CSRNP3: variants seen among roughly 807,000 people sequenced by gnomAD.
CSRNP3 encodes cysteine/serine-rich nuclear protein 3.
Under a neutral mutation model 48.0 loss-of-function variants are expected in CSRNP3, and 12 were observed. That is an observed-to-expected ratio of 0.25 (90% confidence interval 0.16 to 0.41). The LOEUF is 0.41. CSRNP3 is among the 10% of genes least tolerant of loss of function. The pLI, the probability that CSRNP3 is intolerant of heterozygous loss-of-function variation, is 1.00. For missense variants in CSRNP3, 580 were observed against 724.4 expected, an observed-to-expected ratio of 0.80 and a Z score of 2.29; for synonymous variants, 263 against 269.7, an observed-to-expected ratio of 0.98 and a Z score of 0.24.
intron 3 of CSRNP3, among the ~76,000 whole-genome samples, chr2:165,579,528 G>T (rs1473125215): frequency 3.3e-5 from 5 of 152,124 alleles, no homozygotes; most frequent in African/African-American, 4.8e-5. Context: ...TCCATCCAGA[G>T]TTTCTATCTC....
chr2:165,537,215 G>T (rs1371630840), intron 3 of CSRNP3, among the ~76,000 whole-genome samples: 1 of 151,354 alleles, frequency 6.6e-6, no homozygotes, highest in South Asian at 2.1e-4. Context: ...TCAACTTCAT[G>T]CTTTTTTTTC....
chr2:165,508,424 A>G (rs1684457100), intron 2 of CSRNP3, among the ~76,000 whole-genome samples: 2 of 152,124 alleles, frequency 1.3e-5, no homozygotes, highest in African/African-American at 2.4e-5. Flanking sequence ...AAAAGCATGG[A>G]TATCATCATA....
At chr2:165,538,173 T>C (rs1228823641) in intron 3 of CSRNP3, among the ~76,000 whole-genome samples, 1 of 151,970 alleles carries the variant, frequency 6.6e-6, no homozygotes, top group Non-Finnish European at 1.5e-5. Flanking sequence ...AATATCTGCA[T>C]ATAAAAATAC....
chr2:165,476,687 C>T (rs887304659), intron 1 of CSRNP3, among the ~76,000 whole-genome samples: 3 of 152,222 alleles, frequency 2.0e-5, no homozygotes, highest in African/African-American at 4.8e-5. Flanking sequence ...ATTGACTTTG[C>T]AATCAAACAG....
intron 5 of CSRNP3, among the ~76,000 whole-genome samples, chr2:165,666,336 AAG>A (rs368703159): frequency 1.1e-4 from 10 of 88,854 alleles, no homozygotes; most frequent in Admixed American, 5.2e-4. Context: ...GGAAGAAAGA[AAG>A]AGAGAGAGAA....
intron 4 of CSRNP3, among the ~76,000 whole-genome samples, chr2:165,629,725 T>C (rs1486631059): frequency 6.6e-6 from 1 of 152,238 alleles, no homozygotes; most frequent in East Asian, 1.9e-4. Flanking sequence ...GAAATCAAAT[T>C]AGTAAATGTT....
chr2:165,662,333 AGT>A (rs1360052959), intron 5 of CSRNP3, among the ~76,000 whole-genome samples: 1 of 152,188 alleles, frequency 6.6e-6, no homozygotes, highest in Non-Finnish European at 1.5e-5. Flanking sequence ...GGGGAGTTCA[AGT>A]GTGTCTTTTT....
chr2:165,525,786 C>T (rs532902591), intron 3 of CSRNP3, among the ~76,000 whole-genome samples: 26 of 152,202 alleles, frequency 1.7e-4, no homozygotes, highest in African/African-American at 6.3e-4. Flanking sequence ...CACTCCCAGC[C>T]TGATGTTATA....
Position 165,657,942 on chromosome 2 carries a change from A to G in CSRNP3, c.330A>G (p.Ala110=), listed in dbSNP as rs368420776. The change falls in exon 5 of 7, where the codon GCA becomes GCG. Residue 110 remains alanine, a synonymous_variant. Coordinates refer to ENST00000651982, the MANE Select transcript of CSRNP3 (RefSeq NM_001172173.2). The part of the protein sequence containing the change: ...SVRQYTLGEF[A]REQERLHREM... Reference sequence around the variant, plus strand: ...GCCAGTACACTCTTGGCGAGTTTGCAAGGGAGCAGGAGAGGCTCCACCGGG... The same window carrying G: ...GCCAGTACACTCTTGGCGAGTTTGCGAGGGAGCAGGAGAGGCTCCACCGGG... The G allele has an allele frequency of 1.2e-5, 19 of 1,614,084 alleles. No individual in the cohort carries two copies. The highest frequency in any genetic ancestry group is 1.6e-5 in the Non-Finnish European group (19 of 1,179,986).
At chr2:165,669,046 T>C (rs1019434505) in intron 5 of CSRNP3, among the ~76,000 whole-genome samples, 10 of 152,218 alleles carry the variant, frequency 6.6e-5, no homozygotes, top group African/African-American at 2.2e-4. Context: ...GTGAGATAAT[T>C]TATATACAGT....
chr2:165,643,677 T>C (rs1686765340), intron 4 of CSRNP3, among the ~76,000 whole-genome samples: 1 of 152,184 alleles, frequency 6.6e-6, no homozygotes. Flanking sequence ...TAGACCATAA[T>C]GTTTCAGTTC....
intron 6 of CSRNP3, among the ~76,000 whole-genome samples, chr2:165,676,850 A>G (rs1687434829): frequency 6.6e-6 from 1 of 152,254 alleles, no homozygotes; most frequent in South Asian, 2.1e-4. Context: ...CAACCCAAGT[A>G]GCAGCTGAGT....
At chr2:165,629,399 C>T (rs1400687611) in intron 4 of CSRNP3, among the ~76,000 whole-genome samples, 1 of 152,234 alleles carries the variant, frequency 6.6e-6, no homozygotes, top group African/African-American at 2.4e-5. Flanking sequence ...TCTCCTATAA[C>T]CATGTCACTC....
chr2:165,579,458 TG>T (rs1685505621), intron 3 of CSRNP3, among the ~76,000 whole-genome samples: 1 of 152,238 alleles, frequency 6.6e-6, no homozygotes, highest in African/African-American at 2.4e-5. Context: ...TTTGTACCTC[TG>T]CTCTACTATT....
At chr2:165,507,874 G>T (rs983802110) in intron 2 of CSRNP3, among the ~76,000 whole-genome samples, 2 of 152,170 alleles carry the variant, frequency 1.3e-5, no homozygotes, top group East Asian at 3.9e-4. Flanking sequence ...CCTGTGGTTT[G>T]TTCCACATTT....
intron 3 of CSRNP3, among the ~76,000 whole-genome samples, chr2:165,533,664 C>T (rs570615799): frequency 3.3e-5 from 5 of 152,150 alleles, no homozygotes; most frequent in East Asian, 3.9e-4. Context: ...GAATTTTTCT[C>T]TTCTGTTTTT....
chr2:165,501,091 G>T (rs773741318), intron 2 of CSRNP3, among the ~76,000 whole-genome samples: 10 of 151,950 alleles, frequency 6.6e-5, no homozygotes, highest in Non-Finnish European at 1.3e-4. Context: ...TATATTTCAA[G>T]AACTCTTTAC....
intron 3 of CSRNP3, among the ~76,000 whole-genome samples, chr2:165,550,273 T>G (rs144319524): frequency 1.2e-4 from 18 of 152,298 alleles, no homozygotes; most frequent in Middle Eastern, 3.4e-3. Context: ...AATGTTACTT[T>G]GATATTGTAG....
rs974405226 is a variant in CSRNP3 at position 165,574,470 on chromosome 2, A to G, written c.-23-20573A>G. 11 of 1,411,692 alleles carry G rather than the reference A, an allele frequency of 7.8e-6. No homozygotes were observed. The East Asian group carries it at 1.0e-4, about 13-fold the overall frequency. The allele number at this position is 1,411,692 out of a possible 1,614,324, so 87.4% of individuals were successfully genotyped here. On this transcript the variant is annotated intron_variant, in intron 3 of 6. Transcript: ENST00000651982. ...TCATGATGCGCCTGATTTTATTTCT[A>G]TTAAAGACACTGATGGGCATTGGCT...
Sources: allele counts gnomAD v4.1 joint callset (sites outside exome capture counted in the v4.1 genomes callset), GRCh38; gene constraint gnomAD v4.1.1; transcripts MANE v1.5; gene names NCBI Gene and HGNC (gene_info 2026-07-23, HGNC 2026-07-21).